The following NME4 variants were observed in gnomAD, a reference collection of about 807,000 sequenced individuals.
NME4 encodes the protein NME/NM23 nucleoside diphosphate kinase 4.
Under a neutral mutation model 16.4 loss-of-function variants are expected in NME4, and 21 were observed. The observed-to-expected ratio is 1.28, with a 90% CI of 0.91 to 1.84. The LOEUF is 1.84. NME4 is among the 40% of genes most tolerant of loss of function. The pLI, the probability that NME4 is intolerant of heterozygous loss-of-function variation, is 0.00. For missense variants in NME4, 316 were observed against 261.3 expected (o/e 1.21, Z -1.44); for synonymous variants, 132 against 107.5 (o/e 1.23, Z -1.41).
At chr16:397,891 C>T (rs1284274996) in intron 1 of NME4, 5 of 1,554,710 alleles carry the variant, frequency 3.2e-6, no homozygotes, top group Non-Finnish European at 3.5e-6. Context: ...CTCCCTCCAT[C>T]GGCTCTGAAA....
chr16:398,290 C>T, intron 1 of NME4: 1 of 1,359,590 alleles, frequency 7.4e-7, no homozygotes, highest in Non-Finnish European at 9.7e-7. Context: ...AACTCCACAG[C>T]AGCACAGGCC....
At chr16:397,860 A>G in intron 1 of NME4, 1 of 1,552,466 alleles carries the variant, frequency 6.4e-7, no homozygotes, top group South Asian at 1.2e-5. Context: ...GCCACCTCAC[A>G]GGACGATCCA....
Position 399,382 on chromosome 16 carries a change from C to A in NME4, c.229C>A (p.Pro77Thr). The change falls in exon 3 of 5, where the codon CCA becomes ACA. Residue 77 changes from proline (P) to threonine (T), a missense_variant. Coordinates refer to ENST00000219479, the MANE Select transcript of NME4 (RefSeq NM_005009.3). ...TLVGMKMLQA[P>T]ESVLAEHYQD... is the part of the protein sequence containing the mutation. ...TCCTTACCTCAATGCCACCCAGGCA[C>A]CAGAGAGCGTCCTTGCCGAGCACTA... 6.2e-7 allele frequency: 1 copy of A among 1,612,906 alleles called. No homozygotes were observed. Among genetic ancestry groups the A allele is most frequent in the Non-Finnish European group, 8.5e-7 (1 of 1,179,932 alleles).
intron 4 of NME4, 153 bp from the exon 5 acceptor site, chr16:400,066 A>G (rs759658834): frequency 2.1e-5 from 25 of 1,187,534 alleles, no homozygotes; most frequent in Non-Finnish European, 3.0e-5. Flanking sequence ...CCAGGCTGGA[A>G]CCCGGTTTCC....
At position 400,578 on chromosome 16, in the gene NME4, T is replaced by TG. The variant is rs577292049; in HGVS notation, c.*245dup. ...CCAAAGTGCCGGACAACCTTTGTGG[T>TG]GGGGGGGGGTCTTCACATTATCATA... On this transcript the variant is annotated 3_prime_UTR_variant, in exon 5 of 5. Coordinates refer to ENST00000219479, the MANE Select transcript of NME4 (RefSeq NM_005009.3). 637 of 466,712 alleles carry TG rather than the reference T, an allele frequency of 1.4e-3. No individual in the cohort carries two copies. The highest frequency in any genetic ancestry group is 2.2e-3 in the East Asian group (65 of 29,524). The allele number at this position is 466,712 out of a possible 1,614,324, so 28.9% of individuals were successfully genotyped here. A position where few individuals can be genotyped will look rare whatever the true frequency, so the allele number is the denominator to read the frequency against.
At position 400,281 on chromosome 16, in the gene NME4, A is replaced by C; in HGVS notation, c.503A>C (p.Gln168Pro). Residue 168 changes from glutamine to proline, a missense_variant, in exon 5 of 5, where the codon CAG (glutamine) becomes CCG (proline). Gln to Pro is a moderately conservative substitution (Grantham distance 76, BLOSUM62 -1). Transcript: ENST00000219479. ...CAGCGGGAGATCCAGCTGTGGTTCC[A>C]GAGCAGTGAGCTGGTGAGCTGGGCA... ...GAQREIQLWFQSSELVSWADG... is the reference protein window; with the variant it reads ...GAQREIQLWFPSSELVSWADG... The C allele has an allele frequency of 6.2e-7, 1 of 1,606,634 alleles. No individual in the cohort carries two copies. The highest frequency in any genetic ancestry group is 8.5e-7 in the Non-Finnish European group (1 of 1,176,082).
chr16:398,033 T>C (rs1462050299), intron 1 of NME4: 16 of 1,533,972 alleles, frequency 1.0e-5, no homozygotes, highest in Non-Finnish European at 1.4e-5. Flanking sequence ...AGCCGCCTGC[T>C]GGGGTTAACT....
At chr16:400,132 G>A (rs1398874784) in intron 4 of NME4, 87 bp from the exon 5 acceptor site, 2 of 1,554,720 alleles carry the variant, frequency 1.3e-6, no homozygotes, top group Non-Finnish European at 1.8e-6. Flanking sequence ...CCCCTAGACA[G>A]AGGGCAACGG....
Position 400,424 on chromosome 16 carries a change from C to T in NME4, c.*82C>T, listed in dbSNP as rs1247666165. 2 of 1,523,726 alleles carry T rather than the reference C, an allele frequency of 1.3e-6. No homozygotes were observed. The highest frequency in any genetic ancestry group is 1.8e-6 in the Non-Finnish European group (2 of 1,140,222). The allele number at this position is 1,523,726 out of a possible 1,614,324, so 94.4% of individuals were successfully genotyped here. On this transcript the variant is annotated 3_prime_UTR_variant, in exon 5 of 5. Coordinates refer to ENST00000219479, the MANE Select transcript of NME4 (RefSeq NM_005009.3). The stretch of plus-strand genomic sequence containing the variant: ...CAAGAACCCAAGCCCACATCCAAAC[C>T]TGCCTGTCCCAAACCACTTACTTCC...
chr16:398,152 C>A, intron 1 of NME4: 2 of 1,527,628 alleles, frequency 1.3e-6, no homozygotes, highest in Non-Finnish European at 1.8e-6. Flanking sequence ...GGTAGCTTGG[C>A]TCTGGAGCAG....
rs779118449 is a variant in NME4 at position 400,267 on chromosome 16, C to G, written c.489C>G (p.Ile163Met). The G allele has an allele frequency of 6.2e-7, 1 of 1,605,166 alleles. No homozygotes were observed. ...SDSVEGAQRE[I>M]QLWFQSSELV... Reference sequence around the variant, plus strand: ...CCGTGGAGGGGGCCCAGCGGGAGATCCAGCTGTGGTTCCAGAGCAGTGAGC... The same window carrying G: ...CCGTGGAGGGGGCCCAGCGGGAGATGCAGCTGTGGTTCCAGAGCAGTGAGC... Residue 163 changes from isoleucine (I) to methionine (M), a missense_variant, in exon 5 of 5, where the codon ATC becomes ATG. Coordinates refer to ENST00000219479, the MANE Select transcript of NME4 (RefSeq NM_005009.3).
At chr16:398,890 C>A (rs2054601416) in intron 1 of NME4, 100 bp from the exon 2 acceptor site, 3 of 1,521,930 alleles carry the variant, frequency 2.0e-6, no homozygotes, top group Non-Finnish European at 2.7e-6. Flanking sequence ...GAGGCAGACA[C>A]CCTGAAGCCT....
In NME4 at chr16:399,530, G is replaced by A. The variant is rs374265948; in HGVS notation, c.327+50G>A. 31 of 1,596,618 alleles carry A rather than the reference G, an allele frequency of 1.9e-5. No individual in the cohort carries two copies. The African/African-American group carries it at 4.0e-4, about 21-fold the overall frequency. ...AGGGCCTGTGGGTAAAGGGCGTGTGGGTGTGTCTTTCCCCCCAGCAAAGGG... is the reference window on the plus strand; with the variant it reads ...AGGGCCTGTGGGTAAAGGGCGTGTGAGTGTGTCTTTCCCCCCAGCAAAGGG... On this transcript the variant is annotated intron_variant, in intron 3 of 4. Coordinates refer to ENST00000219479, the MANE Select transcript of NME4 (RefSeq NM_005009.3).
rs1005477939 is a variant in NME4 at position 400,585 on chromosome 16, G to T, written c.*243G>T. ...GCCGGACAACCTTTGTGGTGGGGGG[G>T]GGTCTTCACATTATCATAACCTCTC... On this transcript the variant is annotated 3_prime_UTR_variant, in exon 5 of 5. Transcript: ENST00000219479. The T allele has an allele frequency of 6.2e-6, 3 of 486,242 alleles. No individual in the cohort carries two copies. The highest frequency in any genetic ancestry group is 1.1e-5 in the Non-Finnish European group (3 of 276,328). The allele number at this position is 486,242 out of a possible 1,614,324, so 30.1% of individuals were successfully genotyped here.
intron 1 of NME4, chr16:398,720 G>A (rs932267130): frequency 1.5e-5 from 8 of 544,828 alleles, no homozygotes; most frequent in South Asian, 1.1e-4. Context: ...ACCTCGGGGC[G>A]ATCTCAGGCA....
intron 1 of NME4, chr16:397,917 G>A: frequency 1.3e-6 from 2 of 1,551,078 alleles, no homozygotes; most frequent in Non-Finnish European, 1.7e-6. Flanking sequence ...GCCGCCGCCT[G>A]CAATGCCCGC....
intron 4 of NME4, 112 bp from the exon 5 acceptor site, chr16:400,107 A>T: frequency 6.9e-7 from 1 of 1,451,354 alleles, no homozygotes; most frequent in Non-Finnish European, 9.7e-7. Context: ...CCCTGTCTGC[A>T]GTCACAGGCT....
chr16:398,853 C>A, intron 1 of NME4, 137 bp from the exon 2 acceptor site: 1 of 1,194,958 alleles, frequency 8.4e-7, no homozygotes, highest in Non-Finnish European at 1.2e-6. Context: ...GGGCACCATC[C>A]CTGTCCCTTC....
At chr16:397,411 C>G (rs1192876376) in intron 1 of NME4, 98 bp downstream of exon 1, 4 of 394,350 alleles carry the variant, frequency 1.0e-5, no homozygotes, top group Non-Finnish European at 1.4e-5. Context: ...GGGTCCGACT[C>G]CCCCAGAGGC....
Sources: gnomAD v4.1 joint callset for allele counts on GRCh38, gnomAD v4.1.1 for gene constraint, MANE v1.5 for transcripts, NCBI Gene and HGNC (gene_info 2026-07-23, HGNC 2026-07-21) for gene names.